The following HPSE2 variants were observed in gnomAD, a reference collection of about 807,000 sequenced individuals.
HPSE2 encodes inactive heparanase-2.
Under a neutral mutation model 60.5 loss-of-function variants are expected in HPSE2, and 38 were observed. That is an observed-to-expected ratio of 0.63 (90% CI 0.48 to 0.82). The LOEUF is 0.82. HPSE2 is among the 40% of genes least tolerant of loss of function. The pLI is 0.00. For synonymous variants in HPSE2, 295 were observed against 293.2 expected (o/e 1.01, Z -0.06); for missense variants, 713 against 740.4 (o/e 0.96, Z 0.43).
chr10:98,974,304 A>T (rs893275991), intron 3 of HPSE2, among the ~76,000 whole-genome samples: 1 of 150,102 alleles, frequency 6.7e-6, no homozygotes, highest in Non-Finnish European at 1.5e-5. Flanking sequence ...AAGAAAGAAA[A>T]GAAAGAAAGA....
intron 5 of HPSE2, among the ~76,000 whole-genome samples, chr10:98,706,928 G>A (rs1953638): frequency 0.61 from 92,511 of 152,040 alleles, 32,054 homozygotes; most frequent in Non-Finnish European, 0.79. Flanking sequence ...TAGCCAGCTC[G>A]TCTTCCACGT....
At chr10:99,268,496 A>G in the HPSE2 span, among the ~76,000 whole-genome samples, 355 of 151,880 alleles carry the variant, frequency 2.3e-3, 1 homozygote, top group African/African-American at 8.1e-3. Flanking sequence ...ATATACAAAA[A>G]TTAGCCGGGT....
intron 3 of HPSE2, among the ~76,000 whole-genome samples, chr10:98,969,363 A>C (rs1033917034): frequency 3.3e-5 from 5 of 152,184 alleles, no homozygotes; most frequent in Admixed American, 6.5e-5. Context: ...AGCATCATAA[A>C]GGAAATAACC....
chr10:98,615,320 A>G (rs568265586), intron 8 of HPSE2, among the ~76,000 whole-genome samples: 1 of 152,326 alleles, frequency 6.6e-6, no homozygotes, highest in Admixed American at 6.5e-5. Flanking sequence ...TGAAATACTA[A>G]CAAATGAACA....
Position 98,895,166 on chromosome 10 carries a change from A to T in HPSE2, c.611-151110T>A, listed in dbSNP as rs148501682. On this transcript the variant is annotated intron_variant, in intron 3 of 11. Transcript: ENST00000370552. ...CACTGAAATTAGGATTACAAAAAAA[A>T]TCAATTAGAAAAACCCATACGTATA... Among the ~76,000 whole-genome samples, 103 of 152,286 alleles carry T rather than the reference A, an allele frequency of 6.8e-4. 1 individual carries two copies. Among genetic ancestry groups the T allele is most frequent in the African/African-American group, 2.4e-3 (100 of 41,574 alleles).
At chr10:98,607,600 T>C (rs565743579) in intron 9 of HPSE2, among the ~76,000 whole-genome samples, 150 of 152,348 alleles carry the variant, frequency 9.8e-4, no homozygotes, top group African/African-American at 3.4e-3. Context: ...ATTTTTAGTT[T>C]GTCTTTAACC....
At chr10:99,254,368 A>T in the HPSE2 span, among the ~76,000 whole-genome samples, 2 of 152,168 alleles carry the variant, frequency 1.3e-5, no homozygotes, top group African/African-American at 2.4e-5. Flanking sequence ...CAGAAAGATG[A>T]CAACAATAGA....
chr10:99,093,356 A>G (rs528345070), intron 3 of HPSE2, among the ~76,000 whole-genome samples: 1 of 152,308 alleles, frequency 6.6e-6, no homozygotes, highest in East Asian at 1.9e-4. Context: ...AAAACTAGTA[A>G]CATTGACTTT....
intron 9 of HPSE2, among the ~76,000 whole-genome samples, chr10:98,495,537 C>G (rs909477032): frequency 6.6e-6 from 1 of 152,086 alleles, no homozygotes; most frequent in Non-Finnish European, 1.5e-5. Flanking sequence ...ATGGTGTCCC[C>G]CAGGTCCCTT....
At chr10:98,977,603 G>A (rs987075136) in intron 3 of HPSE2, among the ~76,000 whole-genome samples, 7 of 152,110 alleles carry the variant, frequency 4.6e-5, no homozygotes, top group African/African-American at 7.2e-5. Flanking sequence ...TGGCAAGCAA[G>A]TCCACTTAAC....
intron 3 of HPSE2, among the ~76,000 whole-genome samples, chr10:99,143,259 T>G (rs994658551): frequency 6.6e-6 from 1 of 152,126 alleles, no homozygotes; most frequent in Non-Finnish European, 1.5e-5. Context: ...AGGTACAAGA[T>G]GAAAAGCTGG....
At chr10:99,163,749 C>A (rs1374423013) in intron 2 of HPSE2, among the ~76,000 whole-genome samples, 1 of 151,940 alleles carries the variant, frequency 6.6e-6, no homozygotes, top group African/African-American at 2.4e-5. Context: ...GTGATAATTT[C>A]TTGGTCTTTC....
chr10:98,726,574 A>G (rs534012677), intron 4 of HPSE2, among the ~76,000 whole-genome samples: 78 of 151,396 alleles, frequency 5.2e-4, no homozygotes, highest in African/African-American at 1.0e-3. Context: ...AACATGGCAT[A>G]TGTATACATA....
At chr10:98,921,759 T>C (rs905065851) in intron 3 of HPSE2, among the ~76,000 whole-genome samples, 1 of 152,196 alleles carries the variant, frequency 6.6e-6, no homozygotes, top group Non-Finnish European at 1.5e-5. Context: ...TTTTCTGAAA[T>C]CAATGCAGTC....
chr10:99,287,535 T>C, the HPSE2 span, among the ~76,000 whole-genome samples: 1 of 152,206 alleles, frequency 6.6e-6, no homozygotes, highest in East Asian at 1.9e-4. Context: ...GGAGTGAACA[T>C]CACAGACAAT....
intron 3 of HPSE2, among the ~76,000 whole-genome samples, chr10:98,788,678 G>T (rs937780789): frequency 6.6e-6 from 1 of 152,084 alleles, no homozygotes; most frequent in African/African-American, 2.4e-5. Flanking sequence ...TCTGAAAAGC[G>T]CAATATTTGG....
intron 2 of HPSE2, among the ~76,000 whole-genome samples, chr10:99,203,345 C>T (rs1848638685): frequency 6.6e-6 from 1 of 152,110 alleles, no homozygotes; most frequent in South Asian, 2.1e-4. Context: ...TACGCAGGCT[C>T]CTACAACTAC....
At chr10:98,870,600 T>G (rs1952706006) in intron 3 of HPSE2, among the ~76,000 whole-genome samples, 1 of 152,064 alleles carries the variant, frequency 6.6e-6, no homozygotes. Flanking sequence ...AAATACTAAA[T>G]GCAAAAAATA....
At chr10:99,023,829 C>T (rs932381907) in intron 3 of HPSE2, among the ~76,000 whole-genome samples, 1 of 152,162 alleles carries the variant, frequency 6.6e-6, no homozygotes, top group African/African-American at 2.4e-5. Context: ...ATCACAACAC[C>T]CAAGTCCTTT....
Sources: gnomAD v4.1 joint callset for allele counts (sites outside exome capture counted in the v4.1 genomes callset) on GRCh38, gnomAD v4.1.1 for gene constraint, MANE v1.5 for transcripts, NCBI Gene and HGNC (gene_info 2026-07-23, HGNC 2026-07-21) for gene names.